Variants in KAZN observed in about 807,000 individuals in gnomAD.
KAZN encodes the protein kazrin, periplakin interacting protein.
In KAZN, 40 loss-of-function variants were observed where a neutral mutation model predicts 87.4. The observed-to-expected ratio is 0.46, with a 90% CI of 0.36 to 0.60. KAZN has a LOEUF of 0.60. Ranked by LOEUF, KAZN falls within the 20% of genes least tolerant of loss-of-function variation. The pLI is 0.00. For missense variants in KAZN, 898 were observed against 1,073.9 expected (o/e 0.84, Z 2.29); for synonymous variants, 466 against 458.3 (o/e 1.02, Z -0.22).
At chr1:15,020,149 C>T (rs1041042427) in intron 2 of KAZN, among the ~76,000 whole-genome samples, 2 of 152,186 alleles carry the variant, frequency 1.3e-5, no homozygotes, top group Non-Finnish European at 2.9e-5. Flanking sequence ...CTACTGACGT[C>T]ATGGGGACCC....
At chr1:14,963,631 CTTT>C (rs1411649055) in intron 2 of KAZN, among the ~76,000 whole-genome samples, 1 of 152,132 alleles carries the variant, frequency 6.6e-6, no homozygotes, top group African/African-American at 2.4e-5. Context: ...TTGTTGTTTA[CTTT>C]TTTATTTTCC....
At chr1:14,473,650 A>C (rs1668570711) in intron 2 of KAZN, among the ~76,000 whole-genome samples, 1 of 146,308 alleles carries the variant, frequency 6.8e-6, no homozygotes, top group Non-Finnish European at 1.5e-5. Context: ...AAAAAAAAAA[A>C]AAACACAAAA....
chr1:14,367,897 T>G (rs1182763625), intron 2 of KAZN, among the ~76,000 whole-genome samples: 1 of 152,208 alleles, frequency 6.6e-6, no homozygotes, highest in Non-Finnish European at 1.5e-5. Flanking sequence ...TCAGTTTGAT[T>G]GTATCTGAAC....
At chr1:14,592,912 C>T (rs996437506) in intron 2 of KAZN, among the ~76,000 whole-genome samples, 1 of 152,204 alleles carries the variant, frequency 6.6e-6, no homozygotes, top group African/African-American at 2.4e-5. Context: ...GGTCTCTGAG[C>T]TAGGCAGAAA....
chr1:14,772,888 G>A (rs1645058202), intron 1 of KAZN, among the ~76,000 whole-genome samples: 1 of 151,982 alleles, frequency 6.6e-6, no homozygotes, highest in Non-Finnish European at 1.5e-5. Flanking sequence ...TTTTCCACTG[G>A]GGCACACCAC....
rs57203868 is a variant in KAZN, at chr1:14,727,450, C to CTTTTTTTTTTTTTTT, written c.226+128259_226+128273dup. ...GTCCATCACATTTATTGTGCACTTT[C>CTTTTTTTTTTTTTTT]TTTTTTTTTTTTTTTTTTTTTTTTT... On this transcript the variant is annotated intron_variant, in intron 1 of 14. Transcript: ENST00000376030. Among the ~76,000 whole-genome samples, 17 of 73,914 alleles carry CTTTTTTTTTTTTTTT rather than the reference C, an allele frequency of 2.3e-4. 2 individuals are homozygous for CTTTTTTTTTTTTTTT. Among genetic ancestry groups the CTTTTTTTTTTTTTTT allele is most frequent in the Non-Finnish European group, 2.6e-4 (10 of 38,996 alleles). The allele number at this position is 73,914 out of a possible 152,430, so 48.5% of individuals were successfully genotyped here.
At chr1:14,439,568 A>T (rs900315065) in intron 2 of KAZN, among the ~76,000 whole-genome samples, 1 of 152,220 alleles carries the variant, frequency 6.6e-6, no homozygotes, top group African/African-American at 2.4e-5. Context: ...AACGTTCTAG[A>T]TGTACACTGT....
intron 2 of KAZN, among the ~76,000 whole-genome samples, chr1:14,450,744 G>A (rs1024835023): frequency 6.6e-6 from 1 of 152,144 alleles, no homozygotes; most frequent in African/African-American, 2.4e-5. Context: ...GGGAAGGAGG[G>A]GTAGGCTGTT....
chr1:14,194,951 C>G (rs1207272041), intron 2 of KAZN, among the ~76,000 whole-genome samples: 1 of 152,108 alleles, frequency 6.6e-6, no homozygotes, highest in Admixed American at 6.5e-5. Context: ...GTGCCAACCC[C>G]TCTCCAGATT....
At chr1:14,001,327 C>T (rs750315142) in intron 1 of KAZN, among the ~76,000 whole-genome samples, 12 of 152,064 alleles carry the variant, frequency 7.9e-5, no homozygotes, top group Admixed American at 3.9e-4. Context: ...AGGAGAACTA[C>T]AAACCACTGT....
chr1:15,043,131 G>A (rs1406876806), intron 3 of KAZN, among the ~76,000 whole-genome samples: 3 of 152,222 alleles, frequency 2.0e-5, no homozygotes, highest in Non-Finnish European at 2.9e-5. Flanking sequence ...GCTGAGGACT[G>A]TGCTGCATTC....
intron 2 of KAZN, among the ~76,000 whole-genome samples, chr1:14,344,654 G>A (rs1475606437): frequency 1.3e-5 from 2 of 152,132 alleles, no homozygotes; most frequent in Non-Finnish European, 1.5e-5. Context: ...CAGGAAAGGA[G>A]GCCAGAGACT....
chr1:14,793,663 GCT>G (rs1212603639), intron 1 of KAZN, among the ~76,000 whole-genome samples: 1 of 152,170 alleles, frequency 6.6e-6, no homozygotes, highest in African/African-American at 2.4e-5. Flanking sequence ...CATTCTTCCT[GCT>G]CAGAGCTTTC....
Position 15,056,464 on chromosome 1 carries a change from G to C in KAZN, c.916+184G>C, listed in dbSNP as rs1234223099. Among the ~76,000 whole-genome samples, 4 of 152,162 alleles carry C rather than the reference G, an allele frequency of 2.6e-5. No individual in the cohort carries two copies. The highest frequency in any genetic ancestry group is 5.9e-5 in the Non-Finnish European group (4 of 68,042). ...GACAGCAGGCATAGCTGGATCCAGA[G>C]GTTCAAACACTATCTGGGTCCCTCT... On this transcript the variant is annotated intron_variant, in intron 5 of 14. Transcript: ENST00000376030. This position sits in a 1 kb window ranked among gnomAD's most constrained non-coding sequence, Gnocchi z 5.4.
At chr1:14,244,092 C>T (rs181488147) in intron 2 of KAZN, among the ~76,000 whole-genome samples, 33 of 152,306 alleles carry the variant, frequency 2.2e-4, no homozygotes, top group Non-Finnish European at 4.3e-4. Flanking sequence ...AAACATCACC[C>T]GCCATGTGGC....
chr1:14,433,898 C>T (rs1666226688), intron 2 of KAZN, among the ~76,000 whole-genome samples: 1 of 152,234 alleles, frequency 6.6e-6, no homozygotes, highest in South Asian at 2.1e-4. Flanking sequence ...CGTTCTCTCT[C>T]TTCCTCTGGA....
chr1:14,426,486 G>C (rs1370943772), intron 2 of KAZN, among the ~76,000 whole-genome samples: 1 of 152,182 alleles, frequency 6.6e-6, no homozygotes, highest in South Asian at 2.1e-4. Flanking sequence ...CATGGTACAT[G>C]GAATTGGTTA....
chr1:14,060,362 C>CAA (rs56206554), intron 1 of KAZN, among the ~76,000 whole-genome samples: 7 of 100,622 alleles, frequency 7.0e-5, no homozygotes, highest in African/African-American at 2.1e-4. Flanking sequence ...GACTCCACCT[C>CAA]AAAAAAAAAA....
intron 1 of KAZN, among the ~76,000 whole-genome samples, chr1:14,158,229 A>T (rs546748190): frequency 1.1e-4 from 17 of 152,136 alleles, no homozygotes; most frequent in Non-Finnish European, 2.5e-4. Context: ...TTTAAGGCCA[A>T]TAACTTACAT....
Sources: allele counts gnomAD v4.1 joint callset (sites outside exome capture counted in the v4.1 genomes callset), GRCh38; gene constraint gnomAD v4.1.1; non-coding constraint Gnocchi (gnomAD v3.1); transcripts MANE v1.5; gene names NCBI Gene and HGNC (gene_info 2026-07-23, HGNC 2026-07-21).